Variants in IL1R1 observed in about 807,000 individuals in gnomAD.
IL1R1 encodes interleukin-1 receptor type 1.
In IL1R1, 22 loss-of-function variants were observed where a neutral mutation model predicts 50.2. That is an observed-to-expected ratio of 0.44 (90% CI 0.31 to 0.63). The LOEUF (loss-of-function observed/expected upper bound fraction) is 0.63. Ranked by LOEUF, IL1R1 falls within the 20% of genes least tolerant of loss-of-function variation. IL1R1 has a pLI of 0.07. For synonymous variants in IL1R1, 251 were observed against 236.7 expected, an observed-to-expected ratio of 1.06 and a Z score of -0.55; for missense variants, 509 against 676.2, an observed-to-expected ratio of 0.75 and a Z score of 2.74.
At chr2:102,094,629 A>G (rs1310487311) in intron 1 of IL1R1, among the ~76,000 whole-genome samples, 1 of 152,198 alleles carries the variant, frequency 6.6e-6, no homozygotes, top group Non-Finnish European at 1.5e-5. Flanking sequence ...TGTCTTGACA[A>G]TTAAGTTGTG....
chr2:102,093,742 G>A (rs1313792422), intron 1 of IL1R1, among the ~76,000 whole-genome samples: 1 of 152,152 alleles, frequency 6.6e-6, no homozygotes, highest in Non-Finnish European at 1.5e-5. Flanking sequence ...CTGGATGCAA[G>A]TCCAGTGGTG....
intron 1 of IL1R1, among the ~76,000 whole-genome samples, chr2:102,114,172 G>C (rs1455465354): frequency 6.6e-6 from 1 of 152,144 alleles, no homozygotes. Context: ...GTTTTTAAAA[G>C]AGATATGATT....
chr2:102,105,937 A>G (rs1421438188), intron 1 of IL1R1, among the ~76,000 whole-genome samples: 2 of 152,184 alleles, frequency 1.3e-5, no homozygotes, highest in African/African-American at 4.8e-5. Context: ...TTTATCCTTG[A>G]TCCTCATAAT....
Position 102,166,108 on chromosome 2 carries a change from T to C in IL1R1, c.487-5T>C. 11 of 1,611,162 alleles carry C rather than the reference T, an allele frequency of 6.8e-6. No homozygotes were observed. The highest frequency in any genetic ancestry group is 9.3e-6 in the Non-Finnish European group (11 of 1,177,824). ...TTTTCAATGCTTCTCTCTCCCTTTA[T>C]CTAGGATTGCAAACCTCTACTTCTT... is the stretch of plus-strand genomic sequence containing the variant. On this transcript the variant is annotated splice_region_variant and splice_polypyrimidine_tract_variant and intron_variant, in intron 5 of 11. Coordinates refer to ENST00000410023, the MANE Select transcript of IL1R1 (RefSeq NM_000877.4).
intron 1 of IL1R1, among the ~76,000 whole-genome samples, chr2:102,105,327 C>T: frequency 2.6e-5 from 1 of 37,866 alleles, no homozygotes; most frequent in Admixed American, 2.7e-4. Flanking sequence ...AGAGGCATAA[C>T]CCAATGTTGA....
intron 6 of IL1R1, among the ~76,000 whole-genome samples, chr2:102,166,662 C>T (rs534076137): frequency 6.6e-6 from 1 of 152,256 alleles, no homozygotes; most frequent in East Asian, 1.9e-4. Flanking sequence ...CAGCAAGCAT[C>T]GGTGTGGACA....
chr2:102,150,796 T>C (rs938719251), intron 1 of IL1R1, among the ~76,000 whole-genome samples: 2 of 152,196 alleles, frequency 1.3e-5, no homozygotes, highest in Admixed American at 6.5e-5. Context: ...GCCCGCTGTC[T>C]TTCCTGGAAG....
At chr2:102,115,987 G>A (rs916970896) in intron 1 of IL1R1, among the ~76,000 whole-genome samples, 1 of 152,144 alleles carries the variant, frequency 6.6e-6, no homozygotes, top group South Asian at 2.1e-4. Context: ...TGCAGCAAAC[G>A]GCAAATAGGA....
At chr2:102,117,210 G>A (rs1681129091) in intron 1 of IL1R1, among the ~76,000 whole-genome samples, 1 of 152,108 alleles carries the variant, frequency 6.6e-6, no homozygotes, top group South Asian at 2.1e-4. Context: ...CTATTTTTGG[G>A]TTGACCAAAT....
intron 1 of IL1R1, among the ~76,000 whole-genome samples, chr2:102,127,474 G>A (rs1681777977): frequency 6.6e-6 from 1 of 152,132 alleles, no homozygotes; most frequent in African/African-American, 2.4e-5. Flanking sequence ...CTTCATTCAA[G>A]ACAATGATAA....
chr2:102,111,337 G>A (rs1390886399), intron 1 of IL1R1, among the ~76,000 whole-genome samples: 1 of 152,170 alleles, frequency 6.6e-6, no homozygotes, highest in Non-Finnish European at 1.5e-5. Context: ...TGGGGCCGCT[G>A]CTGCACATAG....
chr2:102,108,072 A>G (rs563196686), intron 1 of IL1R1, among the ~76,000 whole-genome samples: 4 of 152,188 alleles, frequency 2.6e-5, no homozygotes, highest in Non-Finnish European at 5.9e-5. Flanking sequence ...AATAGAGGAA[A>G]AGCAAAAATG....
chr2:102,128,771 A>G (rs1321148390), intron 1 of IL1R1, among the ~76,000 whole-genome samples: 1 of 152,234 alleles, frequency 6.6e-6, no homozygotes, highest in Non-Finnish European at 1.5e-5. Flanking sequence ...CAGTGGTAGA[A>G]CAGTAAAAGG....
intron 1 of IL1R1, among the ~76,000 whole-genome samples, chr2:102,075,131 A>G (rs1296564252): frequency 1.3e-5 from 2 of 152,212 alleles, no homozygotes; most frequent in Non-Finnish European, 2.9e-5. Flanking sequence ...TGTGACATCC[A>G]TGGGATTGGC....
intron 1 of IL1R1, among the ~76,000 whole-genome samples, chr2:102,087,846 G>A (rs1679494879): frequency 6.6e-6 from 1 of 152,168 alleles, no homozygotes; most frequent in East Asian, 1.9e-4. Context: ...ATATACCCAT[G>A]TTGTCATTTC....
chr2:102,167,965 G>T (rs1475919203), intron 6 of IL1R1, among the ~76,000 whole-genome samples: 1 of 152,126 alleles, frequency 6.6e-6, no homozygotes, highest in African/African-American at 2.4e-5. Flanking sequence ...AAAAAACAGA[G>T]AATATCCTAC....
rs1464946429 is a variant in IL1R1, at chr2:102,177,894, C to T, written c.*1135C>T. The stretch of plus-strand genomic sequence containing the variant: ...GATGCCGCTCTTCTGTCATCCCGCT[C>T]CTGCTGAAACACCTCCCAGGGGCTC... On this transcript the variant is annotated 3_prime_UTR_variant, in exon 12 of 12. Transcript: ENST00000410023. 2 of 152,862 alleles carry T rather than the reference C, an allele frequency of 1.3e-5. No individual in the cohort carries two copies. Among genetic ancestry groups the T allele is most frequent in the African/African-American group, 4.8e-5 (2 of 41,444 alleles). The allele number at this position is 152,862 out of a possible 1,614,324, so 9.5% of individuals were successfully genotyped here.
At chr2:102,131,136 T>G (rs1363424124) in intron 1 of IL1R1, among the ~76,000 whole-genome samples, 1 of 152,144 alleles carries the variant, frequency 6.6e-6, no homozygotes, top group Admixed American at 6.5e-5. Flanking sequence ...TCGTAATTCA[T>G]AGGGATTTGT....
At chr2:102,087,517 C>A (rs1213427689) in intron 1 of IL1R1, among the ~76,000 whole-genome samples, 1 of 152,170 alleles carries the variant, frequency 6.6e-6, no homozygotes, top group East Asian at 1.9e-4. Flanking sequence ...TGTCCCCACC[C>A]AAATCTAATG....
Sources: gnomAD v4.1 joint callset for allele counts (sites outside exome capture counted in the v4.1 genomes callset) on GRCh38, gnomAD v4.1.1 for gene constraint, MANE v1.5 for transcripts, NCBI Gene and HGNC (gene_info 2026-07-23, HGNC 2026-07-21) for gene names.